The following GLIS1 variants were observed in gnomAD, a reference collection of about 807,000 sequenced individuals.
The protein encoded by GLIS1 is zinc finger protein GLIS1.
GLIS1 carries 24 observed loss-of-function variants against 63.8 expected under a neutral mutation model. The ratio of observed to expected loss-of-function variants is 0.38; its 90% CI spans 0.27 to 0.53. The LOEUF is 0.53. Among genes scored for constraint, GLIS1 ranks in the 20% least tolerant of loss-of-function variants. The pLI is 0.85. For synonymous variants in GLIS1, 450 were observed against 482.5 expected (o/e 0.93, Z 0.88); for missense variants, 1,036 against 1,074.1 (o/e 0.96, Z 0.50).
At chr1:53,600,382 C>T (rs1645304379) in intron 2 of GLIS1, 104 bp from the exon 3 acceptor site, 2 of 616,094 alleles carry the variant, frequency 3.2e-6, no homozygotes, top group Non-Finnish European at 4.7e-6. Flanking sequence ...GGACAGGGCA[C>T]CCAGAGCCAA....
intron 2 of GLIS1, among the ~76,000 whole-genome samples, chr1:53,678,557 G>C (rs1646240737): frequency 6.6e-6 from 1 of 152,054 alleles, no homozygotes; most frequent in Non-Finnish European, 1.5e-5. Flanking sequence ...CCATGGATGG[G>C]GAGGTGATGG....
At position 53,529,418 on chromosome 1, in the gene GLIS1, G is replaced by T. The variant is rs1644505906; in HGVS notation, c.1482+373C>A. Among the ~76,000 whole-genome samples, 3 of 152,210 alleles carry T rather than the reference G, an allele frequency of 2.0e-5. No homozygotes were observed. In the South Asian group the frequency reaches 6.2e-4, roughly 31 times the overall value. On this transcript the variant is annotated intron_variant, in intron 5 of 10. Transcript: ENST00000628545. The stretch of plus-strand genomic sequence containing the variant: ...TGACAGGTTCTGGGGAGGGGACACA[G>T]GAAGGCGAATGTGCTCTCTCCATGA...
intron 4 of GLIS1, among the ~76,000 whole-genome samples, chr1:53,541,140 G>A (rs958060581): frequency 6.6e-6 from 1 of 152,198 alleles, no homozygotes; most frequent in East Asian, 1.9e-4. Flanking sequence ...AGGCCACCAA[G>A]AGGACTCTGC....
chr1:53,530,767 C>T (rs997670712), intron 4 of GLIS1, among the ~76,000 whole-genome samples: 1 of 151,800 alleles, frequency 6.6e-6, no homozygotes, highest in Non-Finnish European at 1.5e-5. Flanking sequence ...CCACCAACCT[C>T]CCTCAGCCTT....
At chr1:53,719,968 G>A (rs1646737355) in intron 2 of GLIS1, among the ~76,000 whole-genome samples, 1 of 152,160 alleles carries the variant, frequency 6.6e-6, no homozygotes, top group African/African-American at 2.4e-5. Flanking sequence ...CTGAGGTCAG[G>A]AGTTCGAGAC....
chr1:53,579,426 CT>C (rs1403086217), intron 4 of GLIS1, among the ~76,000 whole-genome samples: 1 of 152,262 alleles, frequency 6.6e-6, no homozygotes, highest in Non-Finnish European at 1.5e-5. Flanking sequence ...CCTCAGACAG[CT>C]TTTGAAAGGC....
chr1:53,677,412 T>C (rs1646225195), intron 2 of GLIS1, among the ~76,000 whole-genome samples: 1 of 152,154 alleles, frequency 6.6e-6, no homozygotes, highest in Non-Finnish European at 1.5e-5. Context: ...TGCCAGGTTC[T>C]GGGACCCAAT....
intron 2 of GLIS1, among the ~76,000 whole-genome samples, chr1:53,618,261 C>T (rs567876771): frequency 1.3e-5 from 2 of 152,246 alleles, no homozygotes; most frequent in South Asian, 4.1e-4. Context: ...GCTTGCAGAA[C>T]AAATGCAGAA....
At chr1:53,669,251 A>T (rs1037759578) in intron 2 of GLIS1, among the ~76,000 whole-genome samples, 49 of 152,140 alleles carry the variant, frequency 3.2e-4, no homozygotes, top group African/African-American at 1.2e-3. Flanking sequence ...CTGGACACGG[A>T]GATGTGCACT....
rs558631566 is a variant in GLIS1 at position 53,712,459 on chromosome 1, C to T, written c.259+25347G>A. Among the ~76,000 whole-genome samples, 9 of 152,342 alleles carry T rather than the reference C, an allele frequency of 5.9e-5. No homozygotes were observed. The South Asian group carries it at 8.3e-4, about 14-fold the overall frequency. On this transcript the variant is annotated intron_variant, in intron 2 of 10. Coordinates refer to ENST00000628545, the MANE Select transcript of GLIS1 (RefSeq NM_001367484.1). Reference sequence around the variant, plus strand: ...AAAGCCTGGCTCCAGCAACCTGCTGCCAAGAAGCCTGAATCTGCAGGTGAT... The same window carrying T: ...AAAGCCTGGCTCCAGCAACCTGCTGTCAAGAAGCCTGAATCTGCAGGTGAT...
intron 2 of GLIS1, among the ~76,000 whole-genome samples, chr1:53,648,185 A>C (rs1645867331): frequency 6.6e-6 from 1 of 152,166 alleles, no homozygotes; most frequent in African/African-American, 2.4e-5. Flanking sequence ...AAAAAAAATA[A>C]AAATTAAAAA....
chr1:53,694,151 C>G (rs1049511378), intron 2 of GLIS1, among the ~76,000 whole-genome samples: 3 of 152,182 alleles, frequency 2.0e-5, no homozygotes, highest in African/African-American at 7.2e-5. Context: ...CTGGCCCAAT[C>G]TGGGGTCAGG....
intron 2 of GLIS1, among the ~76,000 whole-genome samples, chr1:53,700,157 C>A (rs1186657575): frequency 1.3e-5 from 2 of 152,168 alleles, no homozygotes; most frequent in Non-Finnish European, 2.9e-5. Flanking sequence ...CAAATGGGAA[C>A]ATCTACAGTG....
Position 53,727,309 on chromosome 1 carries a change from C to T in GLIS1, c.259+10497G>A, listed in dbSNP as rs568436303. On this transcript the variant is annotated intron_variant, in intron 2 of 10. Transcript: ENST00000628545. The stretch of plus-strand genomic sequence containing the variant: ...CCAGAGAAGGGCCATGAGACCAATA[C>T]ATCCCCCAGGGGCTCTAAGCCTGTC... 2.6e-5 allele frequency among the ~76,000 whole-genome samples: 4 copies of T among 152,344 alleles called. No homozygotes were observed. The South Asian group carries it at 8.3e-4, about 32-fold the overall frequency.
chr1:53,551,845 C>T (rs1311108775), intron 4 of GLIS1, among the ~76,000 whole-genome samples: 3 of 152,108 alleles, frequency 2.0e-5, no homozygotes, highest in Admixed American at 2.0e-4. Context: ...GGCCTCTGCA[C>T]AAACCCATCC....
chr1:53,723,556 A>C (rs1646777577), intron 2 of GLIS1, among the ~76,000 whole-genome samples: 1 of 152,152 alleles, frequency 6.6e-6, no homozygotes, highest in Admixed American at 6.5e-5. Context: ...GTAAGTAATA[A>C]GACTATATTC....
intron 2 of GLIS1, among the ~76,000 whole-genome samples, chr1:53,717,239 A>C (rs1646709137): frequency 6.6e-6 from 1 of 152,224 alleles, no homozygotes; most frequent in Non-Finnish European, 1.5e-5. Flanking sequence ...GCATAATAAT[A>C]ATCTCTATCA....
chr1:53,645,563 TAGGGGATGGCCG>T (rs956826922), intron 2 of GLIS1, among the ~76,000 whole-genome samples: 12 of 152,150 alleles, frequency 7.9e-5, no homozygotes, highest in African/African-American at 2.9e-4. Flanking sequence ...GCCAGGGTGA[TAGGGGATGGCCG>T]AGGGGATGGC....
chr1:53,613,320 C>A (rs867337663), intron 2 of GLIS1, among the ~76,000 whole-genome samples: 1 of 152,172 alleles, frequency 6.6e-6, no homozygotes, highest in Non-Finnish European at 1.5e-5. Flanking sequence ...AAACTCAAAA[C>A]GACCATTTAA....
Sources: allele counts gnomAD v4.1 joint callset (sites outside exome capture counted in the v4.1 genomes callset), GRCh38; gene constraint gnomAD v4.1.1; transcripts MANE v1.5; gene names NCBI Gene and HGNC (gene_info 2026-07-23, HGNC 2026-07-21).